Variants in MTUS2 observed in about 807,000 individuals in gnomAD.
MTUS2 encodes the protein microtubule associated scaffold protein 2.
In MTUS2, 40 loss-of-function variants were observed where a neutral mutation model predicts 114.1. That is an observed-to-expected ratio of 0.35 (90% CI 0.27 to 0.46). The LOEUF is 0.46. Ranked by LOEUF, MTUS2 falls within the 20% of genes least tolerant of loss-of-function variation. The probability of loss-of-function intolerance (pLI) is 1.00; values close to 1 mark genes in which losing one functional copy is unlikely to be tolerated. For missense variants in MTUS2, 1,679 were observed against 1,705.4 expected (o/e 0.98, Z 0.27); for synonymous variants, 688 against 672.0 (o/e 1.02, Z -0.37).
intron 5 of MTUS2, among the ~76,000 whole-genome samples, chr13:29,221,803 T>G (rs1895918808): frequency 6.6e-6 from 1 of 152,246 alleles, no homozygotes; most frequent in South Asian, 2.1e-4. Context: ...TTTGTTTCTT[T>G]AGAAATCTTC....
At position 29,491,900 on chromosome 13, in the gene MTUS2, G is replaced by A. The variant is rs1406021982; in HGVS notation, c.3506-746G>A. ...TGTGGTGGGTGTGTATGTGTGCGTG[G>A]CGTGTAGTGTGTGTATGTGATGTGT... On this transcript the variant is annotated intron_variant, in intron 11 of 15. Transcript: ENST00000612955. 3.5e-5 allele frequency among the ~76,000 whole-genome samples: 5 copies of A among 143,480 alleles called. No individual in the cohort carries two copies. In the East Asian group the frequency reaches 8.7e-4, roughly 25 times the overall value. 94.1% of individuals were successfully genotyped at this position (143,480 alleles called of 152,430 possible).
chr13:28,936,466 G>A (rs577121701), intron 2 of MTUS2, among the ~76,000 whole-genome samples: 4 of 152,266 alleles, frequency 2.6e-5, no homozygotes, highest in South Asian at 4.1e-4. Flanking sequence ...CTAAGGCAGC[G>A]GTGGTGCTGG....
intron 2 of MTUS2, among the ~76,000 whole-genome samples, chr13:28,852,977 A>AT (rs1876392246): frequency 1.3e-5 from 2 of 151,994 alleles, no homozygotes; most frequent in African/African-American, 4.8e-5. Context: ...ACATACATTC[A>AT]TTCATTCATT....
chr13:29,266,410 C>T (rs577656261), intron 5 of MTUS2, among the ~76,000 whole-genome samples: 5 of 152,108 alleles, frequency 3.3e-5, no homozygotes, highest in Admixed American at 6.6e-5. Flanking sequence ...GAGATTAATG[C>T]TTACAATGAA....
Position 29,128,133 on chromosome 13 carries a change from GGACA to G in MTUS2, c.2644+27174_2644+27177del, listed in dbSNP as rs1174323976. 4.6e-5 allele frequency among the ~76,000 whole-genome samples: 7 copies of G among 152,254 alleles called. No individual in the cohort carries two copies. The South Asian group carries it at 1.5e-3, about 32-fold the overall frequency. On this transcript the variant is annotated intron_variant, in intron 5 of 15. Coordinates refer to ENST00000612955, the MANE Select transcript of MTUS2 (RefSeq NM_001033602.4). ...GAAGGATCAGTTGAGTTTGCAGGTG[GGACA>G]GACAGACAGAATAGCCATGTGAATT...
At chr13:29,006,655 A>G (rs1267168727) in intron 2 of MTUS2, among the ~76,000 whole-genome samples, 1 of 152,140 alleles carries the variant, frequency 6.6e-6, no homozygotes, top group Non-Finnish European at 1.5e-5. Flanking sequence ...GAGAGGCCTG[A>G]CAATAGGCAG....
chr13:28,979,012 C>G (rs938554698), intron 2 of MTUS2, among the ~76,000 whole-genome samples: 2 of 152,302 alleles, frequency 1.3e-5, no homozygotes, highest in East Asian at 3.9e-4. Flanking sequence ...AGAAGAGAGG[C>G]AAGTCCCCTT....
chr13:28,876,606 A>G (rs575928226), intron 2 of MTUS2, among the ~76,000 whole-genome samples: 2 of 152,322 alleles, frequency 1.3e-5, no homozygotes, highest in East Asian at 3.9e-4. Flanking sequence ...TGTCCATGAA[A>G]GTTATCACCC....
intron 5 of MTUS2, among the ~76,000 whole-genome samples, chr13:29,243,107 G>A (rs953737539): frequency 6.6e-6 from 1 of 152,186 alleles, no homozygotes. Context: ...ACGGGTATTT[G>A]CATCTACTCA....
At position 29,503,798 on chromosome 13, in the gene MTUS2, C is replaced by A; in HGVS notation, c.*592C>A. On this transcript the variant is annotated 3_prime_UTR_variant, in exon 16 of 16. Coordinates refer to ENST00000612955, the MANE Select transcript of MTUS2 (RefSeq NM_001033602.4). ...TTTCAACTCACCACCAAGTGGTACTCTCTTTAACACGAACACCAGCTATTT... is the reference window on the plus strand; with the variant it reads ...TTTCAACTCACCACCAAGTGGTACTATCTTTAACACGAACACCAGCTATTT... 1 of 235,152 alleles carries A rather than the reference C, an allele frequency of 4.3e-6. No homozygotes were observed. Among genetic ancestry groups the A allele is most frequent in the Non-Finnish European group, 8.4e-6 (1 of 118,886 alleles). 14.6% of individuals were successfully genotyped at this position (235,152 alleles called of 1,614,324 possible). A position where few individuals can be genotyped will look rare whatever the true frequency, so the allele number is the denominator to read the frequency against.
chr13:29,460,895 T>TAA (rs778237549), intron 9 of MTUS2, among the ~76,000 whole-genome samples: 9 of 138,476 alleles, frequency 6.5e-5, no homozygotes, highest in African/African-American at 1.6e-4. Context: ...GTCAACAATC[T>TAA]AAAAAAAAAA....
intron 2 of MTUS2, among the ~76,000 whole-genome samples, chr13:28,886,739 G>A (rs1878612545): frequency 1.3e-5 from 2 of 152,216 alleles, no homozygotes; most frequent in African/African-American, 2.4e-5. Flanking sequence ...TGATAAGTAA[G>A]GGGGGATAAA....
At chr13:29,356,333 G>T (rs377093296) in intron 7 of MTUS2, among the ~76,000 whole-genome samples, 2 of 152,282 alleles carry the variant, frequency 1.3e-5, no homozygotes, top group East Asian at 3.9e-4. Flanking sequence ...TCCAGAAGTT[G>T]GCCATCTAAT....
At chr13:29,197,832 A>G (rs760438997) in intron 5 of MTUS2, among the ~76,000 whole-genome samples, 29 of 151,936 alleles carry the variant, frequency 1.9e-4, no homozygotes, top group Non-Finnish European at 3.7e-4. Flanking sequence ...GTTTTTTCAT[A>G]TGTTTGTTGG....
chr13:29,349,543 G>T (rs754252862), intron 7 of MTUS2, among the ~76,000 whole-genome samples: 3 of 151,726 alleles, frequency 2.0e-5, no homozygotes, highest in Non-Finnish European at 4.4e-5. Flanking sequence ...CTGCCTGAAG[G>T]ACTTCCTTTA....
At chr13:29,167,389 AG>A (rs1223280660) in intron 5 of MTUS2, among the ~76,000 whole-genome samples, 14 of 148,562 alleles carry the variant, frequency 9.4e-5, no homozygotes, top group African/African-American at 3.5e-4. Context: ...AAAAAAAAGA[AG>A]GATTTCTAAT....
intron 5 of MTUS2, among the ~76,000 whole-genome samples, chr13:29,122,891 G>A (rs970991885): frequency 6.6e-6 from 1 of 152,162 alleles, no homozygotes; most frequent in Non-Finnish European, 1.5e-5. Context: ...CATTCCAGGA[G>A]GGAATTTTTA....
intron 8 of MTUS2, among the ~76,000 whole-genome samples, chr13:29,385,293 G>C (rs1023025014): frequency 6.6e-6 from 1 of 152,178 alleles, no homozygotes; most frequent in African/African-American, 2.4e-5. Flanking sequence ...TCTGTGGCCT[G>C]TCCCTGCTCT....
At chr13:29,375,849 G>A (rs1026037569) in intron 8 of MTUS2, among the ~76,000 whole-genome samples, 6 of 150,750 alleles carry the variant, frequency 4.0e-5, no homozygotes, top group South Asian at 2.1e-4. Context: ...AGTGGAGAGC[G>A]CGGGAAAGGC....
Sources: gnomAD v4.1 joint callset for allele counts (sites outside exome capture counted in the v4.1 genomes callset) on GRCh38, gnomAD v4.1.1 for gene constraint, MANE v1.5 for transcripts, NCBI Gene and HGNC (gene_info 2026-07-23, HGNC 2026-07-21) for gene names.